The following MDN1 variants were observed in gnomAD, a reference collection of about 807,000 sequenced individuals.
The protein encoded by MDN1 is midasin.
Under a neutral mutation model 669.2 loss-of-function variants are expected in MDN1, and 266 were observed. The ratio of observed to expected loss-of-function variants is 0.40; its 90% confidence interval spans 0.36 to 0.44. The LOEUF (loss-of-function observed/expected upper bound fraction) is 0.44, where lower values mean the gene tolerates loss of function less well. Among genes scored for constraint, MDN1 ranks in the 20% least tolerant of loss-of-function variants. MDN1 has a pLI of 1.00. For synonymous variants in MDN1, 2,385 were observed against 2,457.1 expected, an observed-to-expected ratio of 0.97 and a Z score of 0.87; for missense variants, 5,940 against 6,754.0, an observed-to-expected ratio of 0.88 and a Z score of 4.22.
At chr6:89,717,816 G>T (rs1269348815) in intron 43 of MDN1, among the ~76,000 whole-genome samples, 1 of 152,150 alleles carries the variant, frequency 6.6e-6, no homozygotes, top group Non-Finnish European at 1.5e-5. Flanking sequence ...TTACAAGCAG[G>T]CTTTGGAAAT....
Position 89,750,348 on chromosome 6 carries a change from C to G in MDN1, c.3406+6G>C, listed in dbSNP as rs1816875960. 1.2e-6 allele frequency: 2 copies of G among 1,601,508 alleles called. No homozygotes were observed. The highest frequency in any genetic ancestry group is 2.7e-5 in the African/African-American group (2 of 74,814). On this transcript the variant is annotated splice_donor_region_variant and intron_variant, in intron 24 of 101. Coordinates refer to ENST00000369393, the MANE Select transcript of MDN1 (RefSeq NM_014611.3). ...CTATGTCCATGGAATGGAATCTTAA[C>G]CCTACCTTCCTTAAAGACAAGCTTC... is the stretch of plus-strand genomic sequence containing the variant.
intron 1 of MDN1, chr6:89,815,427 A>T (rs1768759144): frequency 2.8e-6 from 1 of 361,688 alleles, no homozygotes; most frequent in Non-Finnish European, 5.4e-6. Context: ...CTGACCACCA[A>T]GGCTTCGTAC....
chr6:89,688,620 C>T lies in MDN1; in HGVS notation c.11212G>A (p.Val3738Ile), dbSNP rs751436334. 1.9e-6 allele frequency: 3 copies of T among 1,614,198 alleles called. No individual in the cohort carries two copies. The highest frequency in any genetic ancestry group is 2.2e-5 in the East Asian group (1 of 44,894). ...GGCCAGTCCTGTAGCAAGTGACTGA[C>T]AGCCTCTGAGAAACCTTGAAGCACA... Reference protein sequence around the residue: ...QPVLQGFSEAVSHLLQDWPEH... With the variant: ...QPVLQGFSEAISHLLQDWPEH... Residue 3738 changes from valine to isoleucine, a missense_variant, in exon 66 of 102, where the codon GTC becomes ATC. Physicochemically the swap from Val to Ile is conservative, Grantham distance 29 (BLOSUM62 3). Around this residue, in one of 5 missense-constraint regions of MDN1, gnomAD observed 2,280 missense variants for 2,576.3 expected, o/e 0.88. Transcript: ENST00000369393.
intron 15 of MDN1, 51 bp from the exon 16 acceptor site, chr6:89,762,581 A>T: frequency 1.4e-6 from 2 of 1,397,386 alleles, no homozygotes; most frequent in Non-Finnish European, 2.0e-6. Context: ...AGTTAACAGA[A>T]GTTAGAAAGC....
Position 89,818,406 on chromosome 6 carries a change from G to C in MDN1, c.102+1100C>G, listed in dbSNP as rs1584418871. On this transcript the variant is annotated intron_variant, in intron 1 of 101. Coordinates refer to ENST00000369393, the MANE Select transcript of MDN1 (RefSeq NM_014611.3). ...CCCTGCACTTTGGGAGGCCAAGGCGGGATGATCACTTGAGCCCAGGGGTTC... is the reference window on the plus strand; with the variant it reads ...CCCTGCACTTTGGGAGGCCAAGGCGCGATGATCACTTGAGCCCAGGGGTTC... 3.3e-5 allele frequency among the ~76,000 whole-genome samples: 5 copies of C among 151,952 alleles called. No homozygotes were observed. In the East Asian group the frequency reaches 9.7e-4, roughly 29 times the overall value.
chr6:89,750,013 T>C (rs760373713), intron 24 of MDN1, among the ~76,000 whole-genome samples: 1 of 152,144 alleles, frequency 6.6e-6, no homozygotes, highest in Non-Finnish European at 1.5e-5. Flanking sequence ...TCCCCTGCAG[T>C]CTAATTTCAT....
rs904366937 is a variant in MDN1, at chr6:89,812,323, A to G, written c.102+7183T>C. The stretch of plus-strand genomic sequence containing the variant: ...TTATTGGCCGGGTGTGGTTACTCAC[A>G]CCTATAATCCCAGCACTTTGGGAGG... On this transcript the variant is annotated intron_variant, in intron 1 of 101. Transcript: ENST00000369393. 3.9e-5 allele frequency among the ~76,000 whole-genome samples: 6 copies of G among 152,020 alleles called. No individual in the cohort carries two copies. In the South Asian group the frequency reaches 1.2e-3, roughly 32 times the overall value.
intron 7 of MDN1, among the ~76,000 whole-genome samples, chr6:89,788,854 G>A (rs563188232): frequency 1.3e-5 from 2 of 152,244 alleles, no homozygotes; most frequent in Admixed American, 6.5e-5. Flanking sequence ...GGCCGGGCGC[G>A]GTGGCTCACG....
In MDN1 at chr6:89,806,693, G is replaced by A. The variant is rs114172698; in HGVS notation, c.103-3139C>T. Among the ~76,000 whole-genome samples, 242 of 152,052 alleles carry A rather than the reference G, an allele frequency of 1.6e-3. 1 individual carries two copies. Among genetic ancestry groups the A allele is most frequent in the African/African-American group, 5.6e-3 (231 of 41,470 alleles). Reference sequence around the variant, plus strand: ...AGAATGCACCACTGCACTCCAGCCCGGGCAACAGATAGAGTGAGACTCCAC... The same window carrying A: ...AGAATGCACCACTGCACTCCAGCCCAGGCAACAGATAGAGTGAGACTCCAC... On this transcript the variant is annotated intron_variant, in intron 1 of 101. Coordinates refer to ENST00000369393, the MANE Select transcript of MDN1 (RefSeq NM_014611.3).
intron 9 of MDN1, among the ~76,000 whole-genome samples, chr6:89,784,222 CA>C (rs1212233921): frequency 6.6e-6 from 1 of 151,828 alleles, no homozygotes; most frequent in Non-Finnish European, 1.5e-5. Context: ...GAGGCTAAGG[CA>C]TGAGAATTGC....
intron 77 of MDN1, 42 bp downstream of exon 77, chr6:89,676,060 C>T: frequency 6.4e-7 from 1 of 1,573,962 alleles, no homozygotes; most frequent in South Asian, 1.1e-5. Flanking sequence ...AGAACAAGGG[C>T]TTTCCCTGAG....
At chr6:89,735,656 TTAAGA>T (rs1431107292) in intron 33 of MDN1, among the ~76,000 whole-genome samples, 3 of 152,144 alleles carry the variant, frequency 2.0e-5, no homozygotes, top group Admixed American at 2.0e-4. Context: ...TATATACTCA[TTAAGA>T]TAATACAATA....
rs759706078 is a variant in MDN1 at position 89,674,310 on chromosome 6, T to C, written c.13041A>G (p.Val4347=). Residue 4347 remains valine (V), a synonymous_variant, in exon 79 of 102, where the codon GTA becomes GTG. Coordinates refer to ENST00000369393, the MANE Select transcript of MDN1 (RefSeq NM_014611.3). ...PELSKGQLCG[V]VLDLIPSNLS... is the part of the protein sequence containing the mutation. ...GATTGGAAGGAATTAGGTCCAGCAC[T>C]ACTCCACAAAGTTGTCCCTTGCTAA... is the stretch of plus-strand genomic sequence containing the variant. 8 of 1,614,262 alleles carry C rather than the reference T, an allele frequency of 5.0e-6. No individual in the cohort carries two copies. The South Asian group carries it at 7.7e-5, about 16-fold the overall frequency.
At chr6:89,815,193 C>T (rs930958145) in intron 1 of MDN1, 10 of 388,604 alleles carry the variant, frequency 2.6e-5, no homozygotes, top group Admixed American at 7.1e-5. Flanking sequence ...CTACCCTCTA[C>T]GGCAGTGGAG....
rs148277863 is a variant in MDN1, at chr6:89,801,574, T to C, written c.329+1754A>G. Among the ~76,000 whole-genome samples, 846 of 151,548 alleles carry C rather than the reference T, an allele frequency of 5.6e-3. 8 individuals are homozygous for C. Among genetic ancestry groups the C allele is most frequent in the African/African-American group, 0.019 (804 of 41,262 alleles). On this transcript the variant is annotated intron_variant, in intron 2 of 101. Transcript: ENST00000369393. ...GCTGAGGTGGGAGAATCGCTTAACC[T>C]GGGAGGCAGAGGTTACAGTGAGCCA... is the stretch of plus-strand genomic sequence containing the variant.
chr6:89,715,521 T>C lies in MDN1; in HGVS notation c.6860+132A>G, dbSNP rs1013566007. On this transcript the variant is annotated intron_variant, in intron 45 of 101. Coordinates refer to ENST00000369393, the MANE Select transcript of MDN1 (RefSeq NM_014611.3). The stretch of plus-strand genomic sequence containing the variant: ...AAAGCCTCAGTAAGTATTTGTTAAG[T>C]GAATTAATAAATGGGTGAACTTCTC... 6 of 671,496 alleles carry C rather than the reference T, an allele frequency of 8.9e-6. No individual in the cohort carries two copies. In the African/African-American group the frequency reaches 1.1e-4, roughly 12 times the overall value. 41.6% of individuals were successfully genotyped at this position (671,496 alleles called of 1,614,324 possible).
chr6:89,746,611 A>AGAAAGAAAGAAAGAAAGAAAGAAAG (rs1554191093), intron 27 of MDN1, among the ~76,000 whole-genome samples: 1 of 40,532 alleles, frequency 2.5e-5, no homozygotes, highest in African/African-American at 9.1e-5. Context: ...AAAAAAAAAA[A>AGAAAGAAAGAAAGAAAGAAAGAAAG]AAAGAAAGAA....
chr6:89,652,194 C>T lies in MDN1; in HGVS notation c.15913G>A (p.Glu5305Lys). Residue 5305 changes from glutamate to lysine, a missense_variant and splice_region_variant, in exon 95 of 102, where the codon GAG becomes AAG. Around this residue, in one of 5 missense-constraint regions of MDN1, gnomAD observed 2,280 missense variants for 2,576.3 expected, o/e 0.88. Coordinates refer to ENST00000369393, the MANE Select transcript of MDN1 (RefSeq NM_014611.3). The part of the protein sequence containing the change: ...WQPRESGNPE[E>K]EKVAAEMWQS... ...AAAAACAGTGAGCAGTGACTTACCT[C>T]CTCTGGGTTTCCAGATTCACGTGGC... The T allele has an allele frequency of 6.2e-7, 1 of 1,613,702 alleles. No individual in the cohort carries two copies. The highest frequency in any genetic ancestry group is 1.1e-5 in the South Asian group (1 of 91,044).
intron 50 of MDN1, 52 bp downstream of exon 50, chr6:89,710,629 A>T: frequency 1.8e-6 from 2 of 1,093,600 alleles, no homozygotes; most frequent in Non-Finnish European, 2.6e-6. Context: ...CCATAAAGTC[A>T]AAAGATAAGT....
Sources: gnomAD v4.1 joint callset for allele counts (sites outside exome capture counted in the v4.1 genomes callset) on GRCh38, gnomAD v4.1.1 for gene constraint, gnomAD v4.1.1 regional missense constraint, MANE v1.5 for transcripts, NCBI Gene and HGNC (gene_info 2026-07-23, HGNC 2026-07-21) for gene names.